The following PDGFRA variants were observed in gnomAD, a reference collection of about 807,000 sequenced individuals.
The protein encoded by PDGFRA is platelet derived growth factor receptor alpha.
Under a neutral mutation model 121.5 loss-of-function variants are expected in PDGFRA, and 25 were observed. The observed-to-expected ratio is 0.21, with a 90% confidence interval of 0.15 to 0.29. The LOEUF (loss-of-function observed/expected upper bound fraction) is 0.29, where lower values mean the gene tolerates loss of function less well. Ranked by LOEUF, PDGFRA falls within the 10% of genes least tolerant of loss-of-function variation. The pLI is 1.00. For synonymous variants in PDGFRA, 463 were observed against 494.8 expected, an observed-to-expected ratio of 0.94 and a Z score of 0.85; for missense variants, 1,008 against 1,345.1, an observed-to-expected ratio of 0.75 and a Z score of 3.92.
intron 1 of PDGFRA, among the ~76,000 whole-genome samples, chr4:54,245,149 A>T (rs1038956242): frequency 5.3e-5 from 8 of 152,360 alleles, no homozygotes; most frequent in African/African-American, 1.9e-4. Context: ...ACTCTGCAGG[A>T]TATTATCCAG....
At chr4:54,264,799 CA>C in intron 4 of PDGFRA, 119 bp from the exon 5 acceptor site, 2 of 920,536 alleles carry the variant, frequency 2.2e-6, no homozygotes, top group Non-Finnish European at 3.4e-6. Context: ...TTATCTTGAT[CA>C]AACTGGTTTG....
intron 1 of PDGFRA, among the ~76,000 whole-genome samples, chr4:54,251,726 T>C (rs1722063340): frequency 6.6e-6 from 1 of 152,184 alleles, no homozygotes; most frequent in South Asian, 2.1e-4. Flanking sequence ...CCAAGTTATC[T>C]TGGGACATCA....
At chr4:54,280,246 C>T (rs963147523) in intron 15 of PDGFRA, 70 bp from the exon 16 acceptor site, 17 of 337,736 alleles carry the variant, frequency 5.0e-5, no homozygotes, top group Non-Finnish European at 6.4e-5. Context: ...ACATAATCAT[C>T]ATCTACTGAA....
At chr4:54,287,684 G>A in intron 19 of PDGFRA, 143 bp downstream of exon 19, 3 of 708,272 alleles carry the variant, frequency 4.2e-6, no homozygotes, top group South Asian at 1.5e-5. Flanking sequence ...CAAACCACAT[G>A]TTGTGCCTTA....
intron 16 of PDGFRA, among the ~76,000 whole-genome samples, chr4:54,283,604 A>G (rs1457725268): frequency 2.6e-5 from 4 of 152,178 alleles, no homozygotes; most frequent in African/African-American, 7.2e-5. Flanking sequence ...CCTTTTTCCC[A>G]TTGTTTTGGC....
At chr4:54,237,092 C>T (rs565948662) in intron 1 of PDGFRA, among the ~76,000 whole-genome samples, 6 of 152,172 alleles carry the variant, frequency 3.9e-5, no homozygotes, top group African/African-American at 9.6e-5. Flanking sequence ...CCTCAGCCTC[C>T]CGAGTAGCTG....
At chr4:54,263,344 C>T (rs1722856172) in intron 3 of PDGFRA, among the ~76,000 whole-genome samples, 1 of 152,114 alleles carries the variant, frequency 6.6e-6, no homozygotes, top group South Asian at 2.1e-4. Context: ...AGGCTGGTCT[C>T]AAACTCCTGA....
chr4:54,275,848 C>T (rs1446081176), intron 12 of PDGFRA, among the ~76,000 whole-genome samples: 1 of 152,172 alleles, frequency 6.6e-6, no homozygotes, highest in African/African-American at 2.4e-5. Flanking sequence ...TGTCCTTGTT[C>T]CTTCCTGGGC....
Position 54,263,742 on chromosome 4 carries a change from T to C in PDGFRA, c.443T>C (p.Ile148Thr). 6.2e-7 allele frequency: 1 copy of C among 1,614,072 alleles called. No individual in the cohort carries two copies. The highest frequency in any genetic ancestry group is 8.5e-7 in the Non-Finnish European group (1 of 1,179,928). The change falls in exon 4 of 23, where the codon ATA becomes ACA. Residue 148 changes from isoleucine to threonine, a missense_variant. Transcript: ENST00000257290. ...VIVEDDDSAIIPCRTTDPETP... is the reference protein window; with the variant it reads ...VIVEDDDSAITPCRTTDPETP... ...GTGGAGGATGATGATTCTGCCATTATACCTTGTCGCACAACTGATCCCGAG... is the reference window on the plus strand; with the variant it reads ...GTGGAGGATGATGATTCTGCCATTACACCTTGTCGCACAACTGATCCCGAG...
rs1475172474 is a variant in PDGFRA, at chr4:54,267,604, C to T, written c.984C>T (p.Asn328=). 9.9e-6 allele frequency: 16 copies of T among 1,614,200 alleles called. No homozygotes were observed. Among genetic ancestry groups the T allele is most frequent in the African/African-American group, 1.3e-5 (1 of 75,064 alleles). ...KPTFSQLEAV[N]LHEVKHFVVE... is the part of the protein sequence containing the mutation. ...CCTTCAGCCAGTTGGAAGCTGTCAA[C>T]CTGCATGAAGTCAAACATTTTGTTG... Residue 328 remains asparagine (N), a synonymous_variant, in exon 7 of 23, where the codon AAC becomes AAT. Transcript: ENST00000257290.
At chr4:54,255,659 C>T (rs1302850862) in intron 1 of PDGFRA, among the ~76,000 whole-genome samples, 1 of 151,952 alleles carries the variant, frequency 6.6e-6, no homozygotes, top group Admixed American at 6.6e-5. Flanking sequence ...GTGCCTGCCA[C>T]CACGCCCGGC....
chr4:54,274,667 G>A (rs370622599), intron 11 of PDGFRA, 42 bp downstream of exon 11: 127 of 1,531,590 alleles, frequency 8.3e-5, no homozygotes, highest in Middle Eastern at 5.0e-4. Flanking sequence ...TGAAGCCAAT[G>A]AGAACAAGCA....
chr4:54,270,899 T>C (rs1723314658), intron 8 of PDGFRA, 151 bp downstream of exon 8: 2 of 677,642 alleles, frequency 3.0e-6, no homozygotes, highest in Middle Eastern at 4.9e-4. Context: ...ATACCTCTGC[T>C]GGACTCATGA....
Position 54,267,714 on chromosome 4 carries a change from C to T in PDGFRA, c.1094C>T (p.Thr365Ile), listed in dbSNP as rs1303150389. ...ATTGAAAATCTCACTGAGATCACCA[C>T]TGATGTGGAAAAGATTCAGGAAATA... ...TLIENLTEIT[T>I]DVEKIQEIRY... The change falls in exon 7 of 23, where the codon ACT becomes ATT. Residue 365 changes from threonine to isoleucine, a missense_variant. Thr to Ile is a moderately conservative substitution (Grantham distance 89, BLOSUM62 -1). This residue lies in a region of PDGFRA where 575 missense variants were observed against 701.8 expected (regional missense o/e 0.82). Coordinates refer to ENST00000257290, the MANE Select transcript of PDGFRA (RefSeq NM_006206.6). The T allele has an allele frequency of 6.2e-7, 1 of 1,614,018 alleles. No individual in the cohort carries two copies. Among genetic ancestry groups the T allele is most frequent in the South Asian group, 1.1e-5 (1 of 91,090 alleles).
At chr4:54,262,678 T>TA (rs570547275) in intron 3 of PDGFRA, among the ~76,000 whole-genome samples, 1 of 151,824 alleles carries the variant, frequency 6.6e-6, no homozygotes, top group Non-Finnish European at 1.5e-5. Context: ...TCTTAACAAT[T>TA]AAAAAAAACC....
chr4:54,232,285 G>A (rs1048369517), intron 1 of PDGFRA, among the ~76,000 whole-genome samples: 7 of 152,172 alleles, frequency 4.6e-5, no homozygotes, highest in African/African-American at 1.7e-4. Flanking sequence ...AGGATCGGGG[G>A]CAAATGGCTT....
rs140479172 is a variant in PDGFRA at position 54,297,413 on chromosome 4, C to T, written c.*2141C>T. Reference sequence around the variant, plus strand: ...CTGAGCCAGATTGGCCAATTAAAAACGAAAACCTGACTAGGTTCTGTAGAG... The same window carrying T: ...CTGAGCCAGATTGGCCAATTAAAAATGAAAACCTGACTAGGTTCTGTAGAG... On this transcript the variant is annotated 3_prime_UTR_variant, in exon 23 of 23. Coordinates refer to ENST00000257290, the MANE Select transcript of PDGFRA (RefSeq NM_006206.6). The T allele has an allele frequency of 1.9e-4, 44 of 233,686 alleles. No individual in the cohort carries two copies. The highest frequency in any genetic ancestry group is 7.9e-4 in the African/African-American group (36 of 45,464). The allele number at this position is 233,686 out of a possible 1,614,324, so 14.5% of individuals were successfully genotyped here.
At chr4:54,260,949 G>A (rs892654121) in intron 2 of PDGFRA, 146 bp from the exon 3 acceptor site, 1 of 681,174 alleles carries the variant, frequency 1.5e-6, no homozygotes, top group Non-Finnish European at 2.5e-6. Flanking sequence ...TTATAATGGG[G>A]GAGCTTTCAT....
chr4:54,287,794 A>G (rs1487217495), intron 19 of PDGFRA, among the ~76,000 whole-genome samples: 1 of 152,190 alleles, frequency 6.6e-6, no homozygotes, highest in African/African-American at 2.4e-5. Flanking sequence ...GGGCTATGCC[A>G]GAGTGACTTC....
Sources: gnomAD v4.1 joint callset for allele counts (sites outside exome capture counted in the v4.1 genomes callset) on GRCh38, gnomAD v4.1.1 for gene constraint, gnomAD v4.1.1 regional missense constraint, MANE v1.5 for transcripts, NCBI Gene and HGNC (gene_info 2026-07-23, HGNC 2026-07-21) for gene names.